TMEM65: variants seen among roughly 807,000 people sequenced by gnomAD.
TMEM65 encodes transmembrane protein 65.
TMEM65 carries 22 observed loss-of-function variants against 25.4 expected under a neutral mutation model. That is an observed-to-expected ratio of 0.86 (90% CI 0.62 to 1.23). The LOEUF (loss-of-function observed/expected upper bound fraction) is 1.23. TMEM65 is among the 50% of genes most tolerant of loss of function. The pLI, the probability that TMEM65 is intolerant of heterozygous loss-of-function variation, is 0.00. For synonymous variants in TMEM65, 132 were observed against 126.2 expected, an observed-to-expected ratio of 1.05 and a Z score of -0.31; for missense variants, 262 against 308.2, an observed-to-expected ratio of 0.85 and a Z score of 1.12.
Position 124,313,961 on chromosome 8 carries a change from T to C in TMEM65, c.722A>G (p.Ter241=). 6.2e-7 allele frequency: 1 copy of C among 1,606,220 alleles called. No homozygotes were observed. Residue 241 remains the stop codon, a stop_retained_variant, in exon 7 of 7, where the codon TAA becomes TGA. Coordinates refer to ENST00000297632, the MANE Select transcript of TMEM65 (RefSeq NM_194291.3). ...EEDEKLETKS[*] ...CTTTTTATAGGTATTCTAAGAGGATTAACTTTTCGTTTCCAGTTTTTCATC... is the reference window on the plus strand; with the variant it reads ...CTTTTTATAGGTATTCTAAGAGGATCAACTTTTCGTTTCCAGTTTTTCATC...
At chr8:124,361,131 C>T (rs1424532160) in intron 1 of TMEM65, among the ~76,000 whole-genome samples, 1 of 152,150 alleles carries the variant, frequency 6.6e-6, no homozygotes, top group Non-Finnish European at 1.5e-5. Flanking sequence ...GACATTAAGG[C>T]TACTAAGAGT....
rs1208595503 is a variant in TMEM65 at position 124,310,675 on chromosome 8, T to C, written c.*3285A>G. ...TTTAATAAAAGGGAACTATTATTATTACTACTACTACTATCATCATCATCA... is the reference window on the plus strand; with the variant it reads ...TTTAATAAAAGGGAACTATTATTATCACTACTACTACTATCATCATCATCA... On this transcript the variant is annotated 3_prime_UTR_variant, in exon 7 of 7. Coordinates refer to ENST00000297632, the MANE Select transcript of TMEM65 (RefSeq NM_194291.3). 6.6e-6 allele frequency: 1 copy of C among 151,856 alleles called. No individual in the cohort carries two copies. The highest frequency in any genetic ancestry group is 1.5e-5 in the Non-Finnish European group (1 of 67,942). The allele number at this position is 151,856 out of a possible 1,614,324, so 9.4% of individuals were successfully genotyped here.
At chr8:124,366,429 T>G (rs151009690) in intron 1 of TMEM65, among the ~76,000 whole-genome samples, 27 of 152,298 alleles carry the variant, frequency 1.8e-4, no homozygotes, top group African/African-American at 6.3e-4. Flanking sequence ...AACAAACCGA[T>G]GTTGGACCTT....
intron 3 of TMEM65, among the ~76,000 whole-genome samples, chr8:124,326,022 A>C (rs1289420764): frequency 6.6e-6 from 1 of 152,020 alleles, no homozygotes; most frequent in Non-Finnish European, 1.5e-5. Flanking sequence ...AACAATCCTA[A>C]GGTCATTCCA....
At chr8:124,344,231 C>T (rs1396617606) in intron 1 of TMEM65, among the ~76,000 whole-genome samples, 2 of 152,230 alleles carry the variant, frequency 1.3e-5, no homozygotes, top group Admixed American at 6.5e-5. Flanking sequence ...ATCACTGTCA[C>T]TCCATAACCA....
chr8:124,333,333 T>A (rs530491249), intron 1 of TMEM65, among the ~76,000 whole-genome samples: 2 of 152,138 alleles, frequency 1.3e-5, no homozygotes, highest in East Asian at 1.9e-4. Context: ...ATATATATAT[T>A]TTATGAATTA....
At position 124,363,344 on chromosome 8, in the gene TMEM65, T is replaced by C. The variant is rs1253642530; in HGVS notation, c.304+8510A>G. On this transcript the variant is annotated intron_variant, in intron 1 of 6. Coordinates refer to ENST00000297632, the MANE Select transcript of TMEM65 (RefSeq NM_194291.3). ...ATAAGCCTCCTAAAATTCTGGTGTG[T>C]CTTGGTATGTTATCAGTCCTAATTA... Among the ~76,000 whole-genome samples the C allele has an allele frequency of 2.0e-5, 3 of 152,234 alleles. No individual in the cohort carries two copies. The East Asian group carries it at 5.8e-4, about 29-fold the overall frequency.
chr8:124,317,293 T>C (rs1352731881), intron 6 of TMEM65, among the ~76,000 whole-genome samples: 1 of 152,152 alleles, frequency 6.6e-6, no homozygotes, highest in Non-Finnish European at 1.5e-5. Context: ...TTTTTCTTCT[T>C]CCATCAGTCC....
intron 1 of TMEM65, among the ~76,000 whole-genome samples, chr8:124,340,083 G>C (rs1286884316): frequency 6.6e-6 from 1 of 152,100 alleles, no homozygotes; most frequent in Non-Finnish European, 1.5e-5. Context: ...CAGAAGGCAA[G>C]TAAAAACATC....
rs35648589 is a variant in TMEM65 at position 124,310,181 on chromosome 8, T to A, written c.*3779A>T. The stretch of plus-strand genomic sequence containing the variant: ...AAAAAAAAGTATATTTGCTTTTCTG[T>A]GTTCTCTTCCCCTATTACTACCCAC... On this transcript the variant is annotated 3_prime_UTR_variant, in exon 7 of 7. Coordinates refer to ENST00000297632, the MANE Select transcript of TMEM65 (RefSeq NM_194291.3). 1 of 152,458 alleles carries A rather than the reference T, an allele frequency of 6.6e-6. No individual in the cohort carries two copies. Among genetic ancestry groups the A allele is most frequent in the Non-Finnish European group, 1.5e-5 (1 of 68,282 alleles). The allele number at this position is 152,458 out of a possible 1,614,324, so 9.4% of individuals were successfully genotyped here.
Position 124,324,528 on chromosome 8 carries a change from T to C in TMEM65, c.418-1153A>G, listed in dbSNP as rs114762811. On this transcript the variant is annotated intron_variant, in intron 3 of 6. Transcript: ENST00000297632. ...CAGGCAGAGAAAAAGAATAAACATA[T>C]GTATCATCATATCTGAATGCAAAAA... Among the ~76,000 whole-genome samples the C allele has an allele frequency of 2.1e-3, 316 of 152,126 alleles. 3 individuals are homozygous for C. Among genetic ancestry groups the C allele is most frequent in the African/African-American group, 7.2e-3 (298 of 41,516 alleles).
intron 1 of TMEM65, among the ~76,000 whole-genome samples, chr8:124,341,650 G>A (rs1814584486): frequency 1.3e-5 from 2 of 151,990 alleles, no homozygotes; most frequent in African/African-American, 4.8e-5. Context: ...TTAGAGCTAA[G>A]TTTTCTCTAC....
rs533407555 is a variant in TMEM65, at chr8:124,313,039, A to G, written c.*921T>C. The G allele has an allele frequency of 9.2e-5, 14 of 151,654 alleles. No individual in the cohort carries two copies. The highest frequency in any genetic ancestry group is 1.8e-4 in the Non-Finnish European group (12 of 67,766). The allele number at this position is 151,654 out of a possible 1,614,324, so 9.4% of individuals were successfully genotyped here. On this transcript the variant is annotated 3_prime_UTR_variant, in exon 7 of 7. Transcript: ENST00000297632. Reference sequence around the variant, plus strand: ...TCATTAATCTTTCAAACATCACTTCAACTTCATCATTTATACCATAAACCT... The same window carrying G: ...TCATTAATCTTTCAAACATCACTTCGACTTCATCATTTATACCATAAACCT...
At position 124,371,900 on chromosome 8, in the gene TMEM65, G is replaced by A. The variant is rs1431003755; in HGVS notation, c.258C>T (p.Cys86=). The A allele has an allele frequency of 2.6e-6, 4 of 1,550,678 alleles. No individual in the cohort carries two copies. The highest frequency in any genetic ancestry group is 3.7e-5 in the Admixed American group (2 of 54,148). The change falls in exon 1 of 7, where the codon TGC becomes TGT. Residue 86 remains cysteine (C), a synonymous_variant. Transcript: ENST00000297632. The part of the protein sequence containing the change: ...IYSLHSTERS[C]LLKELHRFES... ...CGAAGCGGTGCAGCTCTTTGAGCAG[G>A]CAGCTCCTCTCCGTGGAGTGCAGGC... is the stretch of plus-strand genomic sequence containing the variant.
intron 6 of TMEM65, among the ~76,000 whole-genome samples, chr8:124,318,131 G>C (rs1264905279): frequency 1.3e-5 from 2 of 152,068 alleles, no homozygotes; most frequent in African/African-American, 4.8e-5. Context: ...ACATGAGAGT[G>C]CAACAGCAAG....
chr8:124,369,057 G>A (rs1174341065), intron 1 of TMEM65, among the ~76,000 whole-genome samples: 1 of 152,130 alleles, frequency 6.6e-6, no homozygotes, highest in African/African-American at 2.4e-5. Flanking sequence ...ACATTGAAAG[G>A]CCACTGTAAT....
At position 124,311,601 on chromosome 8, in the gene TMEM65, A is replaced by T. The variant is rs2131189595; in HGVS notation, c.*2359T>A. ...TGCTCCTAATAGAGAAGTAGCTAAT[A>T]TGAGAAACAAACAGTTCCAGTTTCA... On this transcript the variant is annotated 3_prime_UTR_variant, in exon 7 of 7. Coordinates refer to ENST00000297632, the MANE Select transcript of TMEM65 (RefSeq NM_194291.3). 6.6e-6 allele frequency: 1 copy of T among 152,602 alleles called. No individual in the cohort carries two copies. Among genetic ancestry groups the T allele is most frequent in the South Asian group, 2.1e-4 (1 of 4,830 alleles). 9.5% of individuals were successfully genotyped at this position (152,602 alleles called of 1,614,324 possible).
chr8:124,351,502 G>T lies in TMEM65; in HGVS notation c.304+20352C>A, dbSNP rs1315725103. 3.3e-5 allele frequency among the ~76,000 whole-genome samples: 5 copies of T among 152,134 alleles called. No homozygotes were observed. The East Asian group carries it at 9.6e-4, about 29-fold the overall frequency. On this transcript the variant is annotated intron_variant, in intron 1 of 6. Coordinates refer to ENST00000297632, the MANE Select transcript of TMEM65 (RefSeq NM_194291.3). ...TTTGGAAAAAACTTATCAGAAGCAG[G>T]TTTAACAGTGCTAGTCTTCTCATAT...
intron 1 of TMEM65, 59 bp from the exon 2 acceptor site, chr8:124,330,851 A>G: frequency 1.4e-6 from 2 of 1,430,146 alleles, no homozygotes; most frequent in Non-Finnish European, 9.6e-7. Context: ...GATATTTTTT[A>G]TTACAATGAA....
Sources: gnomAD v4.1 joint callset for allele counts (sites outside exome capture counted in the v4.1 genomes callset) on GRCh38, gnomAD v4.1.1 for gene constraint, MANE v1.5 for transcripts, NCBI Gene and HGNC (gene_info 2026-07-23, HGNC 2026-07-21) for gene names.